The following ITGB5 variants were observed in gnomAD, a reference collection of about 807,000 sequenced individuals.
ITGB5 encodes integrin beta-5.
A neutral mutation model predicts 84.8 loss-of-function variants in ITGB5; 38 were observed. The observed-to-expected ratio is 0.45, with a 90% confidence interval of 0.35 to 0.59. ITGB5 has a LOEUF of 0.59. Ranked by LOEUF, ITGB5 falls within the 20% of genes least tolerant of loss-of-function variation. The pLI, the probability that ITGB5 is intolerant of heterozygous loss-of-function variation, is 0.01. For synonymous variants in ITGB5, 393 were observed against 414.4 expected (o/e 0.95, Z 0.63); for missense variants, 905 against 1,034.5 (o/e 0.87, Z 1.72).
intron 5 of ITGB5, among the ~76,000 whole-genome samples, chr3:124,836,409 G>A (rs1273652175): frequency 1.3e-5 from 2 of 150,732 alleles, no homozygotes; most frequent in Non-Finnish European, 1.5e-5. Flanking sequence ...TAACACCACA[G>A]CACTCCAGCC....
At chr3:124,851,210 T>C (rs72974512) in intron 3 of ITGB5, among the ~76,000 whole-genome samples, 1 of 152,212 alleles carries the variant, frequency 6.6e-6, no homozygotes, top group South Asian at 2.1e-4. Flanking sequence ...ATCCAGACCC[T>C]GTCACCAAGG....
At chr3:124,796,347 T>C (rs922295908) in intron 10 of ITGB5, 41 bp downstream of exon 10, 1 of 1,547,048 alleles carries the variant, frequency 6.5e-7, no homozygotes, top group Admixed American at 1.8e-5. Flanking sequence ...AACGGCATCT[T>C]GGCCTGGCTC....
intron 1 of ITGB5, among the ~76,000 whole-genome samples, chr3:124,895,798 A>G (rs1231504429): frequency 6.6e-6 from 1 of 152,148 alleles, no homozygotes; most frequent in Non-Finnish European, 1.5e-5. Flanking sequence ...CCTCATATTC[A>G]ATTGCTGGTG....
chr3:124,890,078 G>C (rs1934963363), upstream of ITGB5, among the ~76,000 whole-genome samples: 1 of 152,174 alleles, frequency 6.6e-6, no homozygotes, highest in African/African-American at 2.4e-5. Context: ...GTGCCAAGTG[G>C]TGATTTTAAA....
At chr3:124,825,419 T>C (rs7624392) in intron 5 of ITGB5, among the ~76,000 whole-genome samples, 68,139 of 152,004 alleles carry the variant, frequency 0.45, 17,016 homozygotes, top group African/African-American at 0.66. Flanking sequence ...AAATGTTATT[T>C]GCAATCATCA....
upstream of ITGB5, among the ~76,000 whole-genome samples, chr3:124,891,725 C>A (rs1285029898): frequency 1.3e-5 from 2 of 151,666 alleles, no homozygotes; most frequent in African/African-American, 4.9e-5. Flanking sequence ...GGGTTTGAGA[C>A]CAGCCTGGGC....
chr3:124,810,512 C>T (rs904276720), intron 8 of ITGB5, among the ~76,000 whole-genome samples: 3 of 152,028 alleles, frequency 2.0e-5, no homozygotes, highest in Admixed American at 6.6e-5. Context: ...GCAGGAGGAT[C>T]GCTTGAGCCC....
upstream of ITGB5, chr3:124,887,817 CGTAGACG>C (rs1934901148): frequency 3.3e-6 from 1 of 301,928 alleles, no homozygotes; most frequent in Admixed American, 3.4e-5. Context: ...TGAGATGGGA[CGTAGACG>C]CCCGCGCGTG....
At position 124,770,962 on chromosome 3, in the gene ITGB5, G is replaced by C. The variant is rs527659629; in HGVS notation, c.1917-1849C>G. ...GGCTAAGAGGGCTGCTTTCTCTCCCGGCCAGGATTCTCTGTCCCTGCCATC... is the reference window on the plus strand; with the variant it reads ...GGCTAAGAGGGCTGCTTTCTCTCCCCGCCAGGATTCTCTGTCCCTGCCATC... On this transcript the variant is annotated intron_variant, in intron 11 of 14. Transcript: ENST00000296181. 6.7e-5 allele frequency among the ~76,000 whole-genome samples: 9 copies of C among 135,288 alleles called. No individual in the cohort carries two copies. In the South Asian group the frequency reaches 2.3e-3, roughly 34 times the overall value. 88.8% of individuals were successfully genotyped at this position (135,288 alleles called of 152,430 possible). A position where few individuals can be genotyped will look rare whatever the true frequency, so the allele number is the denominator to read the frequency against.
At chr3:124,881,500 C>T (rs1934569712) in intron 1 of ITGB5, among the ~76,000 whole-genome samples, 1 of 152,054 alleles carries the variant, frequency 6.6e-6, no homozygotes, top group African/African-American at 2.4e-5. Flanking sequence ...TCTGCTCCAC[C>T]CAGGGATGTA....
intron 3 of ITGB5, among the ~76,000 whole-genome samples, chr3:124,857,859 C>A (rs1338184089): frequency 6.6e-6 from 1 of 152,074 alleles, no homozygotes; most frequent in Non-Finnish European, 1.5e-5. Context: ...CCTGGCCAGG[C>A]ATGGTGGTTC....
chr3:124,780,191 G>A (rs1303858678), intron 10 of ITGB5, among the ~76,000 whole-genome samples: 3 of 141,926 alleles, frequency 2.1e-5, no homozygotes, highest in African/African-American at 5.8e-5. Flanking sequence ...GGCAGGGCAC[G>A]GGGACCCTCA....
chr3:124,861,481 C>T (rs1040414790), intron 2 of ITGB5, among the ~76,000 whole-genome samples: 8 of 117,728 alleles, frequency 6.8e-5, no homozygotes, highest in African/African-American at 2.4e-4. Flanking sequence ...CAAAACAAAA[C>T]ATATATATAT....
At chr3:124,784,006 G>A (rs2064043770) in intron 10 of ITGB5, among the ~76,000 whole-genome samples, 1 of 152,102 alleles carries the variant, frequency 6.6e-6, no homozygotes, top group South Asian at 2.1e-4. Flanking sequence ...TTCATCGGCT[G>A]GACTACATGG....
chr3:124,883,338 C>T (rs374848452), intron 1 of ITGB5, among the ~76,000 whole-genome samples: 1 of 152,168 alleles, frequency 6.6e-6, no homozygotes, highest in African/African-American at 2.4e-5. Context: ...AACAAGCAGG[C>T]GGGGAATACT....
chr3:124,879,684 G>A (rs181671681), intron 1 of ITGB5, among the ~76,000 whole-genome samples: 121 of 152,282 alleles, frequency 7.9e-4, no homozygotes, highest in Admixed American at 2.5e-3. Context: ...GAAAGAATGA[G>A]CATGCTCTCT....
intron 1 of ITGB5, among the ~76,000 whole-genome samples, chr3:124,874,306 GAAAAAAAA>G (rs59287818): frequency 7.9e-5 from 9 of 113,368 alleles, no homozygotes; most frequent in Non-Finnish European, 1.0e-4. Context: ...TCAAAAGCCG[GAAAAAAAA>G]AAAAAAAAAA....
chr3:124,802,944 A>AG (rs1191856956), intron 9 of ITGB5, among the ~76,000 whole-genome samples: 8 of 152,170 alleles, frequency 5.3e-5, no homozygotes, highest in Non-Finnish European at 1.0e-4. Flanking sequence ...GTAGAAACAA[A>AG]GGGCCAGCTC....
chr3:124,805,585 G>A lies in ITGB5; in HGVS notation c.1263+3437C>T, dbSNP rs572193860. On this transcript the variant is annotated intron_variant, in intron 9 of 14. Transcript: ENST00000296181. ...TCTGGCCTCAGCCTCCTGAGCAGCT[G>A]GGACCACAGGTGTGCGCTACCATGC... Among the ~76,000 whole-genome samples, 10 of 152,218 alleles carry A rather than the reference G, an allele frequency of 6.6e-5. No individual in the cohort carries two copies. In the South Asian group the frequency reaches 1.7e-3, roughly 25 times the overall value.
Sources: gnomAD v4.1 joint callset for allele counts (sites outside exome capture counted in the v4.1 genomes callset) on GRCh38, gnomAD v4.1.1 for gene constraint, MANE v1.5 for transcripts, NCBI Gene and HGNC (gene_info 2026-07-23, HGNC 2026-07-21) for gene names.